VPS16: variants seen among roughly 807,000 people sequenced by gnomAD.
VPS16 encodes the protein VPS16 core subunit of CORVET and HOPS complexes.
A neutral mutation model predicts 116.0 loss-of-function variants in VPS16; 82 were observed. That is an observed-to-expected ratio of 0.71 (90% CI 0.59 to 0.85). The LOEUF (loss-of-function observed/expected upper bound fraction) is 0.85, where lower values mean the gene tolerates loss of function less well. Among genes scored for constraint, VPS16 ranks in the 40% least tolerant of loss-of-function variants. The pLI is 0.00. For missense variants in VPS16, 928 were observed against 1,090.6 expected (o/e 0.85, Z 2.10); for synonymous variants, 406 against 420.7 (o/e 0.96, Z 0.43).
intron 1 of VPS16, among the ~76,000 whole-genome samples, chr20:2,841,564 A>G (rs1004590712): frequency 1.3e-5 from 2 of 151,808 alleles, no homozygotes; most frequent in Admixed American, 6.6e-5. Context: ...TCTTTATCTC[A>G]CTGAAGAATT....
At chr20:2,854,161 C>T (rs2089148597) in intron 1 of VPS16, among the ~76,000 whole-genome samples, 1 of 151,648 alleles carries the variant, frequency 6.6e-6, no homozygotes, top group South Asian at 2.1e-4. Context: ...GTAAGACCAG[C>T]ACTTTGGGAG....
intron 1 of VPS16, 89 bp from the exon 2 acceptor site, chr20:2,859,630 C>A: frequency 7.0e-7 from 1 of 1,430,406 alleles, no homozygotes; most frequent in Non-Finnish European, 9.8e-7. Flanking sequence ...TTGTGGAAGA[C>A]AAATGGAGGC....
chr20:2,851,331 G>A (rs2089118629), intron 1 of VPS16, among the ~76,000 whole-genome samples: 1 of 152,188 alleles, frequency 6.6e-6, no homozygotes, highest in Non-Finnish European at 1.5e-5. Flanking sequence ...AAGGTAGGCC[G>A]GGCATGGTGG....
chr20:2,860,766 C>T lies in VPS16; in HGVS notation c.533C>T (p.Ser178Phe). Residue 178 changes from serine to phenylalanine, a missense_variant, in exon 6 of 24, where the codon TCC (serine) becomes TTC (phenylalanine). By Grantham distance (155) the Ser-to-Phe change is radical. Transcript: ENST00000380445. The surrounding 1 kb of genome is among the most constrained non-coding windows in gnomAD (Gnocchi z 6.1). ...GCCATAGGTCTGCAAAGTGCACCCT[C>T]CTGCTGGACTGTGCTGTGCCAGGAC... ...PEVPGLQSAPSCWTVLCQDRV... is the reference protein window; with the variant it reads ...PEVPGLQSAPFCWTVLCQDRV... 6.2e-7 allele frequency: 1 copy of T among 1,613,988 alleles called. No individual in the cohort carries two copies. Among genetic ancestry groups the T allele is most frequent in the Non-Finnish European group, 8.5e-7 (1 of 1,180,036 alleles).
chr20:2,863,235 G>T lies in VPS16; in HGVS notation c.1368-55G>T. The T allele has an allele frequency of 2.5e-6, 4 of 1,611,510 alleles. No homozygotes were observed. Among genetic ancestry groups the T allele is most frequent in the Non-Finnish European group, 3.4e-6 (4 of 1,177,880 alleles). ...CTGATGTGCAGGCTGAGGCCACTCTGCTCCCTTTCTCCTCCACCTCACTCC... is the reference window on the plus strand; with the variant it reads ...CTGATGTGCAGGCTGAGGCCACTCTTCTCCCTTTCTCCTCCACCTCACTCC... On this transcript the variant is annotated intron_variant, in intron 14 of 23. Coordinates refer to ENST00000380445, the MANE Select transcript of VPS16 (RefSeq NM_022575.4). This position sits in a 1 kb window ranked among gnomAD's most constrained non-coding sequence, Gnocchi z 4.4.
intron 1 of VPS16, chr20:2,841,049 G>T: frequency 1.8e-6 from 1 of 568,024 alleles, no homozygotes; most frequent in Non-Finnish European, 3.1e-6. Flanking sequence ...TGGTCACCCC[G>T]AAGCCCAGGT....
rs2297048 is a variant in VPS16, at chr20:2,860,283, G to A, written c.285G>A (p.Glu95=). The change falls in exon 4 of 24, where the codon GAG becomes GAA. Residue 95 remains glutamate (E), a synonymous_variant. Coordinates refer to ENST00000380445, the MANE Select transcript of VPS16 (RefSeq NM_022575.4). The surrounding 1 kb of genome is among the most constrained non-coding windows in gnomAD (Gnocchi z 6.1). ...TGTCCCTGGGCTGGTCAGCTGAGGAGGAGCTGCTCTGTGTGCAGGAAGATG... is the reference window on the plus strand; with the variant it reads ...TGTCCCTGGGCTGGTCAGCTGAGGAAGAGCTGCTCTGTGTGCAGGAAGATG... ...PVVSLGWSAE[E]ELLCVQEDGA... 17,041 of 1,614,112 alleles carry A rather than the reference G, an allele frequency of 0.011. 828 individuals carry two copies. In the Admixed American group the frequency reaches 0.13, roughly 12 times the overall value.
chr20:2,856,563 G>A (rs772771145), intron 1 of VPS16, among the ~76,000 whole-genome samples: 7 of 152,186 alleles, frequency 4.6e-5, no homozygotes, highest in Non-Finnish European at 1.0e-4. Context: ...GGACAGCTCC[G>A]CAGGTGTCTA....
intron 11 of VPS16, 98 bp downstream of exon 11, chr20:2,862,228 G>A (rs1056364385): frequency 1.4e-6 from 2 of 1,397,212 alleles, no homozygotes; most frequent in African/African-American, 1.4e-5. Flanking sequence ...CAAGAGAGGG[G>A]TCCAGGCAGG....
At chr20:2,859,893 T>C (rs2089208823) in intron 2 of VPS16, 86 bp downstream of exon 2, 2 of 1,506,398 alleles carry the variant, frequency 1.3e-6, no homozygotes, top group Admixed American at 1.8e-5. Flanking sequence ...TGTCAGGTTG[T>C]TCTTGTTGCC....
Position 2,866,207 on chromosome 20 carries a change from C to T in VPS16, c.2272-5C>T. 6.2e-7 allele frequency: 1 copy of T among 1,614,036 alleles called. No individual in the cohort carries two copies. The highest frequency in any genetic ancestry group is 8.5e-7 in the Non-Finnish European group (1 of 1,179,964). On this transcript the variant is annotated splice_polypyrimidine_tract_variant and splice_region_variant and intron_variant, in intron 22 of 23. Coordinates refer to ENST00000380445, the MANE Select transcript of VPS16 (RefSeq NM_022575.4). Reference sequence around the variant, plus strand: ...TCTCCCTCCACCCGCTTCCTCTCCTCCAAGCCTTTTGTGGAGATCTGCATG... The same window carrying T: ...TCTCCCTCCACCCGCTTCCTCTCCTTCAAGCCTTTTGTGGAGATCTGCATG...
At chr20:2,859,638 G>T in intron 1 of VPS16, 81 bp from the exon 2 acceptor site, 1 of 1,466,626 alleles carries the variant, frequency 6.8e-7, no homozygotes, top group South Asian at 1.2e-5. Flanking sequence ...GACAAATGGA[G>T]GCTTTAGGAA....
Position 2,864,182 on chromosome 20 carries a change from C to T in VPS16, c.1615C>T (p.Leu539=), listed in dbSNP as rs1315655437. Residue 539 remains leucine (L), a synonymous_variant, in exon 17 of 24, where the codon CTG becomes TTG. Coordinates refer to ENST00000380445, the MANE Select transcript of VPS16 (RefSeq NM_022575.4). This position sits in a 1 kb window ranked among gnomAD's most constrained non-coding sequence, Gnocchi z 5.2. ...CGRTELAIKL[L]EYEPRSGEQV... ...TGCCTTCCTTCTCACCTCACAGCTGCTGGAGTATGAGCCACGCTCAGGGGA... is the reference window on the plus strand; with the variant it reads ...TGCCTTCCTTCTCACCTCACAGCTGTTGGAGTATGAGCCACGCTCAGGGGA... 1.2e-6 allele frequency: 2 copies of T among 1,614,216 alleles called. No individual in the cohort carries two copies. The highest frequency in any genetic ancestry group is 1.1e-5 in the South Asian group (1 of 91,086).
chr20:2,852,909 C>G (rs1034427866), intron 1 of VPS16, among the ~76,000 whole-genome samples: 3 of 152,168 alleles, frequency 2.0e-5, no homozygotes, highest in Non-Finnish European at 4.4e-5. Flanking sequence ...ACAGTGGGCT[C>G]TTCCTTTCAT....
chr20:2,865,522 A>G lies in VPS16; in HGVS notation c.2271+27A>G, dbSNP rs376643938. 1.9e-6 allele frequency: 3 copies of G among 1,602,676 alleles called. No individual in the cohort carries two copies. In the South Asian group the frequency reaches 3.3e-5, roughly 18 times the overall value. ...TGAGGCAGGGTCCTCCCTCCAGCCC[A>G]CTTCCAGTGAGGGTAGTCTTCGGGA... On this transcript the variant is annotated intron_variant, in intron 22 of 23. Coordinates refer to ENST00000380445, the MANE Select transcript of VPS16 (RefSeq NM_022575.4). This position sits in a 1 kb window ranked among gnomAD's most constrained non-coding sequence, Gnocchi z 5.2.
chr20:2,857,268 C>T (rs1297243583), intron 1 of VPS16, among the ~76,000 whole-genome samples: 18 of 152,186 alleles, frequency 1.2e-4, no homozygotes, highest in Admixed American at 3.3e-4. Flanking sequence ...TGAGCCACTG[C>T]GCCCAGCCCC....
In VPS16 at chr20:2,860,233, C is replaced by T. The variant is rs1315247546; in HGVS notation, c.241-6C>T. ...GGACAGCCTTAGGAACCTCTCTCCCCTGCAGTGGAAGAGTGGACCCGTGGT... is the reference window on the plus strand; with the variant it reads ...GGACAGCCTTAGGAACCTCTCTCCCTTGCAGTGGAAGAGTGGACCCGTGGT... On this transcript the variant is annotated splice_region_variant and splice_polypyrimidine_tract_variant and intron_variant, in intron 3 of 23. Transcript: ENST00000380445. The surrounding 1 kb of genome is among the most constrained non-coding windows in gnomAD (Gnocchi z 6.1). 2 of 1,613,948 alleles carry T rather than the reference C, an allele frequency of 1.2e-6. No individual in the cohort carries two copies. Among genetic ancestry groups the T allele is most frequent in the African/African-American group, 2.7e-5 (2 of 74,928 alleles).
chr20:2,844,740 G>A lies in VPS16; in HGVS notation c.53+3913G>A, dbSNP rs1302095636. On this transcript the variant is annotated intron_variant, in intron 1 of 23. Coordinates refer to ENST00000380445, the MANE Select transcript of VPS16 (RefSeq NM_022575.4). ...TACCCTATCCAGGGGATGAGTAGAT[G>A]TAGGTGCATGAAGTGGGATGGAGGT... Among the ~76,000 whole-genome samples the A allele has an allele frequency of 3.9e-5, 6 of 152,184 alleles. No homozygotes were observed. The South Asian group carries it at 1.2e-3, about 32-fold the overall frequency.
chr20:2,844,961 A>T (rs1162392515), intron 1 of VPS16, among the ~76,000 whole-genome samples: 4 of 151,764 alleles, frequency 2.6e-5, no homozygotes, highest in Non-Finnish European at 5.9e-5. Context: ...GGGAAGCCTC[A>T]ATTAAAGGAT....
Sources: allele counts gnomAD v4.1 joint callset (sites outside exome capture counted in the v4.1 genomes callset), GRCh38; gene constraint gnomAD v4.1.1; non-coding constraint Gnocchi (gnomAD v3.1); transcripts MANE v1.5; gene names NCBI Gene and HGNC (gene_info 2026-07-23, HGNC 2026-07-21).